ZSWIM5: variants seen among roughly 807,000 people sequenced by gnomAD.
The protein encoded by ZSWIM5 is zinc finger SWIM domain-containing protein 5.
Under a neutral mutation model 119.6 loss-of-function variants are expected in ZSWIM5, and 55 were observed. The observed-to-expected ratio is 0.46, with a 90% CI of 0.37 to 0.58. The LOEUF (loss-of-function observed/expected upper bound fraction) is 0.58, where lower values mean the gene tolerates loss of function less well. Among genes scored for constraint, ZSWIM5 ranks in the 20% least tolerant of loss-of-function variants. The pLI, the probability that ZSWIM5 is intolerant of heterozygous loss-of-function variation, is 0.00. For synonymous variants in ZSWIM5, 537 were observed against 606.9 expected (o/e 0.88, Z 1.69); for missense variants, 1,193 against 1,512.8 (o/e 0.79, Z 3.51).
At chr1:45,183,902 G>T (rs937140547) in intron 1 of ZSWIM5, among the ~76,000 whole-genome samples, 2 of 152,176 alleles carry the variant, frequency 1.3e-5, no homozygotes, top group Non-Finnish European at 2.9e-5. Context: ...CATTTTATGA[G>T]GCCAGCATCA....
In ZSWIM5 at chr1:45,140,043, A is replaced by G. The variant is rs532966162; in HGVS notation, c.596-51806T>C. 3.9e-5 allele frequency among the ~76,000 whole-genome samples: 6 copies of G among 152,320 alleles called. No individual in the cohort carries two copies. The East Asian group carries it at 1.2e-3, about 29-fold the overall frequency. ...ATGTATTTTAAGGTTTACATTTTGT[A>G]TAAAAGTAAAATGTGTGAAAACATT... is the stretch of plus-strand genomic sequence containing the variant. On this transcript the variant is annotated intron_variant, in intron 1 of 13. Coordinates refer to ENST00000359600, the MANE Select transcript of ZSWIM5 (RefSeq NM_020883.2).
intron 1 of ZSWIM5, among the ~76,000 whole-genome samples, chr1:45,179,747 T>G (rs971989088): frequency 6.6e-6 from 1 of 152,164 alleles, no homozygotes; most frequent in Non-Finnish European, 1.5e-5. Flanking sequence ...TCACCAAATA[T>G]GTCCACACCC....
chr1:45,113,574 G>A (rs920244836), intron 1 of ZSWIM5, among the ~76,000 whole-genome samples: 2 of 152,196 alleles, frequency 1.3e-5, no homozygotes, highest in African/African-American at 4.8e-5. Flanking sequence ...TTTTAGAAGT[G>A]TGGAGAATGG....
In ZSWIM5 at chr1:45,088,002, C is replaced by T; in HGVS notation, c.831G>A (p.Arg277=). 1 of 1,614,114 alleles carries T rather than the reference C, an allele frequency of 6.2e-7. No homozygotes were observed. The highest frequency in any genetic ancestry group is 1.1e-5 in the South Asian group (1 of 91,078). Residue 277 remains arginine (R), a synonymous_variant, in exon 2 of 14, where the codon AGG becomes AGA. Coordinates refer to ENST00000359600, the MANE Select transcript of ZSWIM5 (RefSeq NM_020883.2). This position sits in a 1 kb window ranked among gnomAD's most constrained non-coding sequence, Gnocchi z 4.2. ...PISETLFQMN[R]DQLQKFIQYL... ...ATTGAATAAACTTTTGTAGCTGGTC[C>T]CTATTCATCTGGAAAAGGGTTTCGG...
chr1:45,192,653 C>G (rs1416763127), intron 1 of ZSWIM5, among the ~76,000 whole-genome samples: 1 of 152,080 alleles, frequency 6.6e-6, no homozygotes, highest in Non-Finnish European at 1.5e-5. Flanking sequence ...TCCCTGCTTT[C>G]AATTATTTTG....
At chr1:45,103,413 A>G (rs955499408) in intron 1 of ZSWIM5, among the ~76,000 whole-genome samples, 1 of 152,220 alleles carries the variant, frequency 6.6e-6, no homozygotes, top group African/African-American at 2.4e-5. Flanking sequence ...GATAAGAGAG[A>G]TAGAAGAACT....
rs749559043 is a variant in ZSWIM5, at chr1:45,043,293, A to G, written c.1535T>C (p.Val512Ala). 6.2e-7 allele frequency: 1 copy of G among 1,614,214 alleles called. No individual in the cohort carries two copies. The highest frequency in any genetic ancestry group is 8.5e-7 in the Non-Finnish European group (1 of 1,180,040). ...SHLQRIISSD[V>A]YTAPACQRES... The stretch of plus-strand genomic sequence containing the variant: ...CCGCTGGCAGGCAGGAGCTGTATAA[A>G]CATCACTGCTGATTATTCGCTGTAG... Residue 512 changes from valine (V) to alanine (A), a missense_variant, in exon 6 of 14, where the codon GTT becomes GCT. Physicochemically the swap from Val to Ala is moderately conservative, Grantham distance 64 (BLOSUM62 0). Coordinates refer to ENST00000359600, the MANE Select transcript of ZSWIM5 (RefSeq NM_020883.2).
rs371439730 is a variant in ZSWIM5, at chr1:45,055,591, A to G, written c.1252+3018T>C. On this transcript the variant is annotated intron_variant, in intron 4 of 13. Coordinates refer to ENST00000359600, the MANE Select transcript of ZSWIM5 (RefSeq NM_020883.2). Reference sequence around the variant, plus strand: ...TGGACACAGCCTGGAGCTCAGGGGAAAGATCAGGGCTAGAGACATACATTT... The same window carrying G: ...TGGACACAGCCTGGAGCTCAGGGGAGAGATCAGGGCTAGAGACATACATTT... Among the ~76,000 whole-genome samples the G allele has an allele frequency of 8.5e-5, 13 of 152,342 alleles. No homozygotes were observed. In the East Asian group the frequency reaches 1.2e-3, roughly 14 times the overall value.
chr1:45,205,714 A>G (rs1479272343), intron 1 of ZSWIM5, 42 bp downstream of exon 1: 1 of 1,488,642 alleles, frequency 6.7e-7, no homozygotes, highest in Non-Finnish European at 9.0e-7. Context: ...CACCCGCGGA[A>G]GAGGAGGCTG....
At chr1:45,168,494 T>TATA (rs201583611) in intron 1 of ZSWIM5, among the ~76,000 whole-genome samples, 1 of 147,212 alleles carries the variant, frequency 6.8e-6, no homozygotes, top group Non-Finnish European at 1.5e-5. Context: ...TATATATATA[T>TATA]TTTTTTTAAA....
intron 1 of ZSWIM5, among the ~76,000 whole-genome samples, chr1:45,204,161 CCCT>C (rs1646173411): frequency 6.6e-6 from 1 of 152,072 alleles, no homozygotes; most frequent in African/African-American, 2.4e-5. Flanking sequence ...TTTATTTGTT[CCCT>C]CAAGTTTGAA....
intron 1 of ZSWIM5, among the ~76,000 whole-genome samples, chr1:45,169,274 TG>T (rs1461648343): frequency 2.0e-5 from 3 of 151,820 alleles, no homozygotes; most frequent in African/African-American, 4.8e-5. Context: ...TACCAGAAGG[TG>T]GGAAAACAGA....
At chr1:45,150,656 C>A (rs1254634915) in intron 1 of ZSWIM5, among the ~76,000 whole-genome samples, 1 of 152,182 alleles carries the variant, frequency 6.6e-6, no homozygotes, top group African/African-American at 2.4e-5. Context: ...TCCTTTAGCA[C>A]ATTTACATTT....
chr1:45,093,880 G>A (rs173208), intron 1 of ZSWIM5, among the ~76,000 whole-genome samples: 9,197 of 143,480 alleles, frequency 0.064, 346 homozygotes, highest in East Asian at 0.11. Flanking sequence ...GTCTTGCTCC[G>A]TTACCCAGGC....
intron 7 of ZSWIM5, 35 bp downstream of exon 7, chr1:45,040,357 G>T: frequency 6.4e-7 from 1 of 1,563,826 alleles, no homozygotes; most frequent in Non-Finnish European, 8.7e-7. Context: ...TCAGCTTTGG[G>T]CCTAAGGGGG....
Position 45,206,199 on chromosome 1 carries a change from C to T in ZSWIM5, c.152G>A (p.Cys51Tyr). The T allele has an allele frequency of 1.9e-6, 3 of 1,598,968 alleles. No homozygotes were observed. Among genetic ancestry groups the T allele is most frequent in the Non-Finnish European group, 2.6e-6 (3 of 1,174,126 alleles). The change falls in exon 1 of 14, where the codon TGC becomes TAC. Residue 51 changes from cysteine (C) to tyrosine (Y), a missense_variant. Cys to Tyr is a radical substitution (Grantham distance 194). Coordinates refer to ENST00000359600, the MANE Select transcript of ZSWIM5 (RefSeq NM_020883.2). ...GTGGGGGCGGGCCCCGAGGACCAGGCAGCTGCTGCCGACGCCCCCTGCCCC... is the reference window on the plus strand; with the variant it reads ...GTGGGGGCGGGCCCCGAGGACCAGGTAGCTGCTGCCGACGCCCCCTGCCCC... Reference protein sequence around the residue: ...GGGAGGVGSSCLVLGARPHLQ... With the variant: ...GGGAGGVGSSYLVLGARPHLQ...
In ZSWIM5 at chr1:45,018,860, G is replaced by C; in HGVS notation, c.3152C>G (p.Ser1051Cys). 6.2e-7 allele frequency: 1 copy of C among 1,614,256 alleles called. No individual in the cohort carries two copies. Among genetic ancestry groups the C allele is most frequent in the Non-Finnish European group, 8.5e-7 (1 of 1,180,046 alleles). Residue 1051 changes from serine to cysteine, a missense_variant, in exon 14 of 14, where the codon TCT (serine) becomes TGT (cysteine). Transcript: ENST00000359600. This position sits in a 1 kb window ranked among gnomAD's most constrained non-coding sequence, Gnocchi z 6.7. ...DVLWACALSH[S>C]LGKNELAALI... is the part of the protein sequence containing the mutation. ...AGCTGCCAGCTCATTCTTGCCCAGA[G>C]AGTGGCTGAGAGCACAAGCCCAGAG...
intron 5 of ZSWIM5, among the ~76,000 whole-genome samples, chr1:45,044,681 G>A (rs1281331485): frequency 2.0e-5 from 2 of 101,968 alleles, no homozygotes; most frequent in Non-Finnish European, 3.8e-5. Context: ...CCGAGATCGC[G>A]CCACTGCACT....
rs1379522683 is a variant in ZSWIM5, at chr1:45,019,285, G to A, written c.2727C>T (p.Ser909=). The change falls in exon 14 of 14, where the codon AGC becomes AGT. Residue 909 remains serine (S), a synonymous_variant. Coordinates refer to ENST00000359600, the MANE Select transcript of ZSWIM5 (RefSeq NM_020883.2). This position sits in a 1 kb window ranked among gnomAD's most constrained non-coding sequence, Gnocchi z 5.0. ...GVRALVSILQ[S]WYTLFTPTEA... is the part of the protein sequence containing the mutation. ...CAGTAGGGGTGAAGAGTGTGTACCA[G>A]CTCTGCAAGATGCTCACCAGGGCCC... is the stretch of plus-strand genomic sequence containing the variant. 1.4e-5 allele frequency: 22 copies of A among 1,612,982 alleles called. 1 individual carries two copies. Among genetic ancestry groups the A allele is most frequent in the South Asian group, 2.2e-5 (2 of 91,076 alleles).
Sources: gnomAD v4.1 joint callset for allele counts (sites outside exome capture counted in the v4.1 genomes callset) on GRCh38, gnomAD v4.1.1 for gene constraint, Gnocchi (gnomAD v3.1) non-coding constraint, MANE v1.5 for transcripts, NCBI Gene and HGNC (gene_info 2026-07-23, HGNC 2026-07-21) for gene names.